The following WDR27 variants were observed in gnomAD, a reference collection of about 807,000 sequenced individuals.
WDR27 encodes the protein WD repeat domain 27.
WDR27 carries 100 observed loss-of-function variants against 114.4 expected under a neutral mutation model. The observed-to-expected ratio is 0.87, with a 90% confidence interval of 0.74 to 1.03. The LOEUF (loss-of-function observed/expected upper bound fraction) is 1.03. Ranked by LOEUF, WDR27 falls within the 50% of genes least tolerant of loss-of-function variation. The pLI is 0.00. For missense variants in WDR27, 1,129 were observed against 1,092.9 expected (o/e 1.03, Z -0.47); for synonymous variants, 449 against 423.1 (o/e 1.06, Z -0.75).
rs561193429 is a variant in WDR27, at chr6:169,512,511, T to C, written c.2646-54877A>G. Among the ~76,000 whole-genome samples, 10 of 152,312 alleles carry C rather than the reference T, an allele frequency of 6.6e-5. No homozygotes were observed. The South Asian group carries it at 1.9e-3, about 28-fold the overall frequency. On this transcript the variant is annotated intron_variant, in intron 25 of 25. Coordinates refer to ENST00000448612, the MANE Select transcript of WDR27 (RefSeq NM_182552.5). The stretch of plus-strand genomic sequence containing the variant: ...AACTTTAATTTGTAATGTTAATTCA[T>C]TTAGCTACTTTACTCTAGAGGAGTC...
intron 25 of WDR27, among the ~76,000 whole-genome samples, chr6:169,494,671 T>C (rs11967226): frequency 0.043 from 6,555 of 152,220 alleles, 405 homozygotes; most frequent in African/African-American, 0.13. Flanking sequence ...CCCACAAAGG[T>C]TGCAGCCTGC....
chr6:169,553,128 C>T (rs944111605), intron 25 of WDR27, among the ~76,000 whole-genome samples: 3 of 146,340 alleles, frequency 2.1e-5, no homozygotes, highest in South Asian at 2.2e-4. Flanking sequence ...TGGGCGGGGA[C>T]GCCATCAGAG....
At chr6:169,566,277 A>G (rs1302572061) in intron 25 of WDR27, among the ~76,000 whole-genome samples, 1 of 152,256 alleles carries the variant, frequency 6.6e-6, no homozygotes, top group Non-Finnish European at 1.5e-5. Flanking sequence ...TGAGAGTGAC[A>G]GCAGGGAAGA....
downstream of WDR27, among the ~76,000 whole-genome samples, chr6:169,453,928 A>G (rs573128363): frequency 2.0e-5 from 3 of 152,318 alleles, no homozygotes; most frequent in Non-Finnish European, 4.4e-5. Flanking sequence ...AAAAAATAAA[A>G]TTTGGATTAG....
intron 25 of WDR27, among the ~76,000 whole-genome samples, chr6:169,506,932 TTAAAC>T (rs1792072129): frequency 6.6e-6 from 1 of 152,210 alleles, no homozygotes; most frequent in Admixed American, 6.5e-5. Flanking sequence ...GATATGGACT[TTAAAC>T]TACCTTATTA....
At chr6:169,486,443 G>A (rs1788911089) in intron 25 of WDR27, among the ~76,000 whole-genome samples, 2 of 152,052 alleles carry the variant, frequency 1.3e-5, no homozygotes, top group Non-Finnish European at 2.9e-5. Context: ...GCAGGCTCCG[G>A]CAGCCTTTGT....
In WDR27 at chr6:169,659,292, C is replaced by T. The variant is rs1825267389; in HGVS notation, c.1198-85G>A. The T allele has an allele frequency of 1.9e-6, 3 of 1,556,106 alleles. No homozygotes were observed. The highest frequency in any genetic ancestry group is 2.4e-5 in the South Asian group (2 of 81,764). The stretch of plus-strand genomic sequence containing the variant: ...TGCATCCGCACACGTATCCTAACAG[C>T]TGCTTCATTCTCATAGCAGCGACAT... On this transcript the variant is annotated intron_variant, in intron 11 of 25. Coordinates refer to ENST00000448612, the MANE Select transcript of WDR27 (RefSeq NM_182552.5). This position sits in a 1 kb window ranked among gnomAD's most constrained non-coding sequence, Gnocchi z 4.3.
the WDR27 span, among the ~76,000 whole-genome samples, chr6:169,428,767 G>T: frequency 6.6e-6 from 1 of 152,296 alleles, no homozygotes; most frequent in South Asian, 2.1e-4. Flanking sequence ...TCAGGGTGAG[G>T]GTGAGCCCTT....
intron 25 of WDR27, among the ~76,000 whole-genome samples, chr6:169,565,238 G>A (rs1584254598): frequency 6.6e-6 from 1 of 152,296 alleles, no homozygotes; most frequent in Non-Finnish European, 1.5e-5. Context: ...CGAGACTGAA[G>A]GCCAGTTTCC....
chr6:169,434,958 A>C, the WDR27 span, among the ~76,000 whole-genome samples: 1 of 152,214 alleles, frequency 6.6e-6, no homozygotes, highest in Non-Finnish European at 1.5e-5. Context: ...ACAAGCCCAG[A>C]GGTCTAGGAG....
rs896173597 is a variant in WDR27, at chr6:169,509,790, T to G, written c.2646-52156A>C. On this transcript the variant is annotated intron_variant, in intron 25 of 25. Coordinates refer to ENST00000448612, the MANE Select transcript of WDR27 (RefSeq NM_182552.5). ...CCAAAATTGACAAATGGGATCTAAT[T>G]AAACTAAAGAGCTTCTGCACAGCAA... Among the ~76,000 whole-genome samples, 657 of 152,200 alleles carry G rather than the reference T, an allele frequency of 4.3e-3. 3 individuals are homozygous for G. Among genetic ancestry groups the G allele is most frequent in the African/African-American group, 0.015 (634 of 41,508 alleles).
intron 6 of WDR27, among the ~76,000 whole-genome samples, chr6:169,665,952 C>A (rs1480043477): frequency 6.6e-6 from 1 of 152,106 alleles, no homozygotes; most frequent in Admixed American, 6.5e-5. Flanking sequence ...CAGAAGGATT[C>A]CTGAGTCAGC....
the WDR27 span, among the ~76,000 whole-genome samples, chr6:169,448,945 C>A: frequency 6.6e-6 from 1 of 152,244 alleles, no homozygotes; most frequent in East Asian, 1.9e-4. Context: ...CCTCCAAAAT[C>A]TCTTCCACCC....
At chr6:169,503,352 C>T (rs1791587705) in intron 25 of WDR27, among the ~76,000 whole-genome samples, 1 of 152,176 alleles carries the variant, frequency 6.6e-6, no homozygotes, top group African/African-American at 2.4e-5. Flanking sequence ...GGTATGTAAT[C>T]GTAGGTCCAA....
At chr6:169,631,658 T>A (rs1420674609) in intron 21 of WDR27, among the ~76,000 whole-genome samples, 1 of 152,130 alleles carries the variant, frequency 6.6e-6, no homozygotes, top group Admixed American at 6.5e-5. Context: ...AGGGAGACCA[T>A]CTTCCTGGAC....
At chr6:169,442,469 G>T in the WDR27 span, among the ~76,000 whole-genome samples, 1 of 152,150 alleles carries the variant, frequency 6.6e-6, no homozygotes, top group Non-Finnish European at 1.5e-5. Context: ...TCTTTTACAG[G>T]TGAAAGGTAA....
intron 2 of WDR27, among the ~76,000 whole-genome samples, chr6:169,685,771 G>A (rs1782767800): frequency 6.6e-6 from 1 of 152,160 alleles, no homozygotes; most frequent in African/African-American, 2.4e-5. Flanking sequence ...TAAGGGAGAA[G>A]GTGAGGAAGA....
At chr6:169,483,194 C>A (rs1390591455) in intron 25 of WDR27, among the ~76,000 whole-genome samples, 1 of 152,082 alleles carries the variant, frequency 6.6e-6, no homozygotes, top group Non-Finnish European at 1.5e-5. Flanking sequence ...CAGAGCTGAA[C>A]TGAAGGAGAT....
chr6:169,555,544 A>T (rs1050995103), intron 25 of WDR27, among the ~76,000 whole-genome samples: 1 of 152,222 alleles, frequency 6.6e-6, no homozygotes, highest in African/African-American at 2.4e-5. Context: ...GGGGAAAAAT[A>T]AAAATTGTAA....
Sources: gnomAD v4.1 joint callset for allele counts (sites outside exome capture counted in the v4.1 genomes callset) on GRCh38, gnomAD v4.1.1 for gene constraint, Gnocchi (gnomAD v3.1) non-coding constraint, MANE v1.5 for transcripts, NCBI Gene and HGNC (gene_info 2026-07-23, HGNC 2026-07-21) for gene names.